EXOC6B: variants seen among roughly 807,000 people sequenced by gnomAD.
EXOC6B encodes the protein SEC15 homolog B.
EXOC6B carries 54 observed loss-of-function variants against 113.5 expected under a neutral mutation model. That is an observed-to-expected ratio of 0.48 (90% CI 0.38 to 0.60). EXOC6B has a LOEUF of 0.60. EXOC6B is among the 20% of genes least tolerant of loss of function. The pLI is 0.00. For synonymous variants in EXOC6B, 357 were observed against 339.0 expected, an observed-to-expected ratio of 1.05 and a Z score of -0.58; for missense variants, 797 against 977.5, an observed-to-expected ratio of 0.82 and a Z score of 2.46.
At chr2:72,280,710 C>T (rs1176142131) in intron 20 of EXOC6B, among the ~76,000 whole-genome samples, 3 of 152,034 alleles carry the variant, frequency 2.0e-5, no homozygotes, top group African/African-American at 2.4e-5. Context: ...CAGAGAGTTG[C>T]TGAGGCATCC....
At chr2:72,287,020 A>C in intron 20 of EXOC6B, among the ~76,000 whole-genome samples, 1 of 152,172 alleles carries the variant, frequency 6.6e-6, no homozygotes, top group East Asian at 1.9e-4. Flanking sequence ...GCACACATTA[A>C]AAAATAAAGA....
intron 18 of EXOC6B, among the ~76,000 whole-genome samples, chr2:72,422,442 G>GTCTA (rs1463654869): frequency 2.7e-5 from 4 of 150,862 alleles, no homozygotes; most frequent in Non-Finnish European, 5.9e-5. Flanking sequence ...GAACCTTTAT[G>GTCTA]TCTAGCTCAG....
intron 20 of EXOC6B, among the ~76,000 whole-genome samples, chr2:72,280,199 T>G (rs1685050871): frequency 6.6e-6 from 1 of 152,126 alleles, no homozygotes; most frequent in Non-Finnish European, 1.5e-5. Flanking sequence ...ATTTCTCTGT[T>G]TCATTATCAT....
chr2:72,437,652 G>A (rs1695957579), intron 18 of EXOC6B, among the ~76,000 whole-genome samples: 2 of 152,168 alleles, frequency 1.3e-5, no homozygotes, highest in Non-Finnish European at 2.9e-5. Flanking sequence ...CTGAGCTGTG[G>A]TGGGTTCCCA....
Position 72,718,279 on chromosome 2 carries a change from G to A in EXOC6B, c.493C>T (p.His165Tyr), listed in dbSNP as rs1377402255. The A allele has an allele frequency of 5.0e-6, 8 of 1,613,724 alleles. No individual in the cohort carries two copies. Among genetic ancestry groups the A allele is most frequent in the Non-Finnish European group, 6.8e-6 (8 of 1,179,734 alleles). Residue 165 changes from histidine (H) to tyrosine (Y), a missense_variant, in exon 6 of 22, where the codon CAT becomes TAT. Physicochemically the swap from His to Tyr is moderately conservative, Grantham distance 83 (BLOSUM62 2). Coordinates refer to ENST00000272427, the MANE Select transcript of EXOC6B (RefSeq NM_015189.3). ...RHYPALKTLEHLEHTYLPQVS... is the reference protein window; with the variant it reads ...RHYPALKTLEYLEHTYLPQVS... Reference sequence around the variant, plus strand: ...TGAGGCAGGTAGGTATGCTCTAGATGTTCCAGAGTTTTCAGTGCAGGATAA... The same window carrying A: ...TGAGGCAGGTAGGTATGCTCTAGATATTCCAGAGTTTTCAGTGCAGGATAA...
At chr2:72,566,653 A>C (rs1328437098) in intron 7 of EXOC6B, among the ~76,000 whole-genome samples, 1 of 152,112 alleles carries the variant, frequency 6.6e-6, no homozygotes, top group Non-Finnish European at 1.5e-5. Flanking sequence ...GAAATATATG[A>C]GTTCCATTTG....
At chr2:72,419,182 A>G (rs186743935) in intron 18 of EXOC6B, among the ~76,000 whole-genome samples, 1 of 152,324 alleles carries the variant, frequency 6.6e-6, no homozygotes, top group East Asian at 1.9e-4. Flanking sequence ...TAGATGAATA[A>G]TTATTTTTAA....
chr2:72,598,303 A>G (rs1363377216), intron 6 of EXOC6B, among the ~76,000 whole-genome samples: 1 of 151,986 alleles, frequency 6.6e-6, no homozygotes, highest in Non-Finnish European at 1.5e-5. Flanking sequence ...TAAACAACAT[A>G]CTTCTAAATA....
In EXOC6B at chr2:72,797,626, C is replaced by T. The variant is rs1464815422; in HGVS notation, c.113+28172G>A. The stretch of plus-strand genomic sequence containing the variant: ...GTTGGGCGCTTGAGACCAACCTGGC[C>T]AACATGCCAAAACCCCATCTCTACT... On this transcript the variant is annotated intron_variant, in intron 1 of 21. Transcript: ENST00000272427. 5.9e-5 allele frequency among the ~76,000 whole-genome samples: 9 copies of T among 152,156 alleles called. No individual in the cohort carries two copies. In the East Asian group the frequency reaches 1.7e-3, roughly 29 times the overall value.
At chr2:72,454,734 G>A (rs1392814461) in intron 18 of EXOC6B, among the ~76,000 whole-genome samples, 3 of 152,092 alleles carry the variant, frequency 2.0e-5, no homozygotes, top group Admixed American at 6.6e-5. Context: ...TCATTAAAGA[G>A]GCAAAGGACT....
At chr2:72,614,600 A>G (rs1051304346) in intron 6 of EXOC6B, among the ~76,000 whole-genome samples, 8 of 152,200 alleles carry the variant, frequency 5.3e-5, no homozygotes, top group Non-Finnish European at 7.4e-5. Context: ...ACAACAAATC[A>G]TAAGAGTAAT....
At chr2:72,785,161 G>A (rs1045050051) in intron 1 of EXOC6B, among the ~76,000 whole-genome samples, 8 of 152,224 alleles carry the variant, frequency 5.3e-5, no homozygotes, top group African/African-American at 1.2e-4. Context: ...TGATGTGAAA[G>A]GTAGGTTCCC....
intron 6 of EXOC6B, among the ~76,000 whole-genome samples, chr2:72,688,303 C>T (rs2104576843): frequency 6.6e-6 from 1 of 152,114 alleles, no homozygotes; most frequent in South Asian, 2.1e-4. Context: ...TAGGAGAGGA[C>T]CCCAGAAAGG....
intron 6 of EXOC6B, among the ~76,000 whole-genome samples, chr2:72,672,218 A>C (rs1429556661): frequency 1.3e-5 from 2 of 150,744 alleles, no homozygotes; most frequent in African/African-American, 4.9e-5. Context: ...AAAAAAAAAA[A>C]AGATGAAATC....
intron 8 of EXOC6B, among the ~76,000 whole-genome samples, chr2:72,518,321 C>G (rs1701317356): frequency 6.6e-6 from 1 of 152,154 alleles, no homozygotes; most frequent in East Asian, 1.9e-4. Flanking sequence ...TTAATACACA[C>G]AATCTCACCA....
intron 1 of EXOC6B, among the ~76,000 whole-genome samples, chr2:72,810,077 A>T (rs1685799502): frequency 6.6e-6 from 1 of 152,162 alleles, no homozygotes. Context: ...TCAAACTAGA[A>T]ATCAGTAACA....
intron 16 of EXOC6B, among the ~76,000 whole-genome samples, chr2:72,482,340 A>G (rs1182735749): frequency 6.6e-6 from 1 of 152,214 alleles, no homozygotes; most frequent in Non-Finnish European, 1.5e-5. Context: ...CAGGAAATAG[A>G]ATGGACCTTT....
intron 1 of EXOC6B, among the ~76,000 whole-genome samples, chr2:72,745,513 A>G (rs1041480605): frequency 2.6e-5 from 4 of 152,148 alleles, no homozygotes; most frequent in African/African-American, 9.7e-5. Context: ...GATAAAGACT[A>G]TATTTAAAAG....
intron 1 of EXOC6B, among the ~76,000 whole-genome samples, chr2:72,809,248 T>C (rs1372545556): frequency 6.6e-6 from 1 of 152,202 alleles, no homozygotes; most frequent in African/African-American, 2.4e-5. Context: ...ACATTAAATG[T>C]AAATGGTTTA....
Sources: allele counts gnomAD v4.1 joint callset (sites outside exome capture counted in the v4.1 genomes callset), GRCh38; gene constraint gnomAD v4.1.1; transcripts MANE v1.5; gene names NCBI Gene and HGNC (gene_info 2026-07-23, HGNC 2026-07-21).